SMURF2: variants seen among roughly 807,000 people sequenced by gnomAD.
SMURF2 encodes the protein SMAD specific E3 ubiquitin protein ligase 2.
SMURF2 carries 48 observed loss-of-function variants against 109.6 expected under a neutral mutation model. The ratio of observed to expected loss-of-function variants is 0.44; its 90% confidence interval spans 0.35 to 0.56. SMURF2 has a LOEUF of 0.56. Among genes scored for constraint, SMURF2 ranks in the 20% least tolerant of loss-of-function variants. The probability of loss-of-function intolerance (pLI) is 0.01; values close to 1 mark genes in which losing one functional copy is unlikely to be tolerated. For synonymous variants in SMURF2, 288 were observed against 317.1 expected, an observed-to-expected ratio of 0.91 and a Z score of 0.97; for missense variants, 575 against 909.0, an observed-to-expected ratio of 0.63 and a Z score of 4.72.
At chr17:64,583,253 G>A (rs571430771) in intron 7 of SMURF2, among the ~76,000 whole-genome samples, 1 of 152,224 alleles carries the variant, frequency 6.6e-6, no homozygotes, top group East Asian at 1.9e-4. Flanking sequence ...TACCACTGCA[G>A]GCCCTGGAGC....
intron 1 of SMURF2, among the ~76,000 whole-genome samples, chr17:64,632,656 T>C (rs1460060641): frequency 6.6e-6 from 1 of 152,156 alleles, no homozygotes; most frequent in Admixed American, 6.5e-5. Context: ...ATGAGACAAG[T>C]CTTGGGGAAA....
intron 1 of SMURF2, among the ~76,000 whole-genome samples, chr17:64,637,477 CTT>C (rs1970432310): frequency 2.0e-5 from 3 of 151,920 alleles, no homozygotes; most frequent in Admixed American, 1.3e-4. Context: ...CTTTAATCCA[CTT>C]TGAGTTAATT....
At chr17:64,620,268 AGATT>A (rs1555690523) in intron 1 of SMURF2, among the ~76,000 whole-genome samples, 1 of 152,192 alleles carries the variant, frequency 6.6e-6, no homozygotes, top group East Asian at 1.9e-4. Flanking sequence ...ACTTCTACAT[AGATT>A]GTTTTCTTTA....
At position 64,606,654 on chromosome 17, in the gene SMURF2, A is replaced by C; in HGVS notation, c.53-14T>G. The C allele has an allele frequency of 2.6e-6, 4 of 1,516,348 alleles. No individual in the cohort carries two copies. Among genetic ancestry groups the C allele is most frequent in the Non-Finnish European group, 3.6e-6 (4 of 1,124,240 alleles). 93.9% of individuals were successfully genotyped at this position (1,516,348 alleles called of 1,614,324 possible). ...TTGCACAGAGTACTGTAAAAAAAAA[A>C]AACAAAAAATACATGGGAAAAATTA... On this transcript the variant is annotated splice_polypyrimidine_tract_variant and intron_variant, in intron 1 of 18. Coordinates refer to ENST00000262435, the MANE Select transcript of SMURF2 (RefSeq NM_022739.4).
chr17:64,546,099 T>C, intron 18 of SMURF2, 152 bp from the exon 19 acceptor site: 1 of 950,782 alleles, frequency 1.1e-6, no homozygotes, highest in Non-Finnish European at 1.6e-6. Context: ...TGGGTTTTCC[T>C]ACCAATTTCC....
At chr17:64,615,887 T>C (rs374400955) in intron 1 of SMURF2, among the ~76,000 whole-genome samples, 1 of 152,134 alleles carries the variant, frequency 6.6e-6, no homozygotes, top group African/African-American at 2.4e-5. Flanking sequence ...TGGAGTGCAA[T>C]GGCGCGATCT....
chr17:64,625,942 A>G (rs1432962007), intron 1 of SMURF2, among the ~76,000 whole-genome samples: 2 of 152,120 alleles, frequency 1.3e-5, no homozygotes, highest in Non-Finnish European at 2.9e-5. Flanking sequence ...TCATCCACAT[A>G]CTCTTCCAAA....
intron 13 of SMURF2, among the ~76,000 whole-genome samples, chr17:64,556,931 T>C (rs973131431): frequency 1.3e-5 from 2 of 152,224 alleles, no homozygotes; most frequent in Non-Finnish European, 2.9e-5. Context: ...ATTATACTAT[T>C]TGATAACCTT....
At chr17:64,660,432 T>A (rs1178852120) in intron 1 of SMURF2, among the ~76,000 whole-genome samples, 1 of 152,174 alleles carries the variant, frequency 6.6e-6, no homozygotes, top group Admixed American at 6.5e-5. Flanking sequence ...CCAATCCAGG[T>A]TTTCCATTAA....
At chr17:64,585,255 A>G (rs1306648229) in intron 6 of SMURF2, among the ~76,000 whole-genome samples, 2 of 152,232 alleles carry the variant, frequency 1.3e-5, no homozygotes, top group African/African-American at 4.8e-5. Context: ...TTTAGAATCA[A>G]GACAGGTTTG....
At chr17:64,553,303 G>A (rs868990224) in intron 15 of SMURF2, among the ~76,000 whole-genome samples, 5 of 151,842 alleles carry the variant, frequency 3.3e-5, no homozygotes, top group Non-Finnish European at 5.9e-5. Context: ...TCAGGAGTTT[G>A]AGACCAGCCT....
chr17:64,619,906 C>T (rs1970180082), intron 1 of SMURF2, among the ~76,000 whole-genome samples: 1 of 152,160 alleles, frequency 6.6e-6, no homozygotes, highest in Admixed American at 6.5e-5. Flanking sequence ...TCAGTAAATG[C>T]TGTTAATTGA....
At position 64,662,093 on chromosome 17, in the gene SMURF2, G is replaced by T; in HGVS notation, c.-213C>A. On this transcript the variant is annotated 5_prime_UTR_variant, in exon 1 of 19. Transcript: ENST00000262435. ...CCCTCCTCCCACTTCTCCTTCCTCG[G>T]CCCGGGCCGCACAACAAAGCGGCAG... The T allele has an allele frequency of 9.4e-7, 1 of 1,066,106 alleles. No homozygotes were observed. Among genetic ancestry groups the T allele is most frequent in the Non-Finnish European group, 1.1e-6 (1 of 882,726 alleles). The allele number at this position is 1,066,106 out of a possible 1,614,324, so 66.0% of individuals were successfully genotyped here. A position where few individuals can be genotyped will look rare whatever the true frequency, so the allele number is the denominator to read the frequency against.
chr17:64,631,963 G>C (rs1396763103), intron 1 of SMURF2, among the ~76,000 whole-genome samples: 1 of 64,562 alleles, frequency 1.5e-5, no homozygotes, highest in Non-Finnish European at 2.9e-5. Flanking sequence ...TTTTTTTGCG[G>C]GGGGGGGGGG....
At chr17:64,596,006 C>T (rs1969811205) in intron 3 of SMURF2, among the ~76,000 whole-genome samples, 1 of 151,724 alleles carries the variant, frequency 6.6e-6, no homozygotes, top group Non-Finnish European at 1.5e-5. Context: ...GTGGCTAGTC[C>T]AAATTGAGGC....
At chr17:64,605,565 A>G (rs977036528) in intron 2 of SMURF2, among the ~76,000 whole-genome samples, 8 of 151,300 alleles carry the variant, frequency 5.3e-5, no homozygotes, top group African/African-American at 1.7e-4. Flanking sequence ...TCTACAAAGA[A>G]TAGTAAATAA....
At chr17:64,649,716 T>A (rs8072597) in intron 1 of SMURF2, among the ~76,000 whole-genome samples, 1 of 151,862 alleles carries the variant, frequency 6.6e-6, no homozygotes, top group Non-Finnish European at 1.5e-5. Context: ...TGGTGGTGCG[T>A]GCCTGTAGTC....
intron 1 of SMURF2, among the ~76,000 whole-genome samples, chr17:64,659,646 G>A (rs1221142123): frequency 2.0e-5 from 3 of 151,544 alleles, no homozygotes; most frequent in Non-Finnish European, 4.4e-5. Flanking sequence ...ACACAGCCCT[G>A]TCATTTATCC....
chr17:64,571,058 C>T (rs1269838016), intron 10 of SMURF2, among the ~76,000 whole-genome samples: 3 of 152,130 alleles, frequency 2.0e-5, no homozygotes, highest in African/African-American at 4.8e-5. Flanking sequence ...GCTGGGATTA[C>T]AGCATGAGCC....
Sources: gnomAD v4.1 joint callset for allele counts (sites outside exome capture counted in the v4.1 genomes callset) on GRCh38, gnomAD v4.1.1 for gene constraint, MANE v1.5 for transcripts, NCBI Gene and HGNC (gene_info 2026-07-23, HGNC 2026-07-21) for gene names.